FILIP1L: variants seen among roughly 807,000 people sequenced by gnomAD.
FILIP1L encodes filamin A-interacting protein 1-like.
In FILIP1L, 55 loss-of-function variants were observed where a neutral mutation model predicts 96.6. The observed-to-expected ratio is 0.57, with a 90% CI of 0.46 to 0.71. The LOEUF (loss-of-function observed/expected upper bound fraction) is 0.71. FILIP1L is among the 30% of genes least tolerant of loss of function. The pLI, the probability that FILIP1L is intolerant of heterozygous loss-of-function variation, is 0.00. For synonymous variants in FILIP1L, 467 were observed against 473.9 expected, an observed-to-expected ratio of 0.99 and a Z score of 0.19; for missense variants, 1,304 against 1,321.2, an observed-to-expected ratio of 0.99 and a Z score of 0.20.
rs5851193 is a variant in FILIP1L, at chr3:100,037,965, A to C, written c.-11+76088T>G. Among the ~76,000 whole-genome samples, 432 of 100,488 alleles carry C rather than the reference A, an allele frequency of 4.3e-3. 4 individuals carry two copies. Among genetic ancestry groups the C allele is most frequent in the African/African-American group, 0.016 (411 of 25,366 alleles). The allele number at this position is 100,488 out of a possible 152,430, so 65.9% of individuals were successfully genotyped here. ...TTTTTTTTTTTTTTTTTGGGGGGGGAGGGAACAGAGTCTCAAATCTCGCTC... is the reference window on the plus strand; with the variant it reads ...TTTTTTTTTTTTTTTTTGGGGGGGGCGGGAACAGAGTCTCAAATCTCGCTC... On this transcript the variant is annotated intron_variant, in intron 1 of 5. Coordinates refer to ENST00000477258, the MANE Select transcript of FILIP1L (RefSeq NM_001387850.1).
At chr3:100,063,366 A>C (rs2065606896) in intron 1 of FILIP1L, among the ~76,000 whole-genome samples, 3 of 152,190 alleles carry the variant, frequency 2.0e-5, no homozygotes. Flanking sequence ...GGTCTGAATG[A>C]CTTATTACTA....
intron 1 of FILIP1L, among the ~76,000 whole-genome samples, chr3:100,025,944 C>G (rs1260464139): frequency 2.0e-5 from 3 of 152,144 alleles, no homozygotes; most frequent in Admixed American, 1.3e-4. Context: ...TTGGAAAGCA[C>G]AGGTGTAGTG....
intron 1 of FILIP1L, among the ~76,000 whole-genome samples, chr3:99,998,912 C>T (rs1709763605): frequency 6.6e-6 from 1 of 152,194 alleles, no homozygotes; most frequent in South Asian, 2.1e-4. Flanking sequence ...CAACTAGAAA[C>T]TTTCAGTAGT....
At position 100,034,316 on chromosome 3, in the gene FILIP1L, A is replaced by G. The variant is rs184241122; in HGVS notation, c.-11+79737T>C. On this transcript the variant is annotated intron_variant, in intron 1 of 5. Transcript: ENST00000477258. ...CACTTATTGTCTGGAGAAAATGTAC[A>G]CTCATGGCAGCAGTAAGAAGTTATT... is the stretch of plus-strand genomic sequence containing the variant. Among the ~76,000 whole-genome samples, 471 of 152,256 alleles carry G rather than the reference A, an allele frequency of 3.1e-3. 4 individuals carry two copies. Among genetic ancestry groups the G allele is most frequent in the African/African-American group, 0.011 (445 of 41,528 alleles).
intron 1 of FILIP1L, among the ~76,000 whole-genome samples, chr3:100,069,882 A>C (rs905120407): frequency 6.6e-6 from 1 of 152,120 alleles, no homozygotes; most frequent in African/African-American, 2.4e-5. Context: ...GAGGACTCAC[A>C]CTATCCAGTT....
intron 5 of FILIP1L, among the ~76,000 whole-genome samples, chr3:99,837,083 C>T (rs1423621555): frequency 2.6e-5 from 4 of 152,194 alleles, no homozygotes; most frequent in African/African-American, 9.7e-5. Flanking sequence ...AATCAGCAGC[C>T]TCAGAAGCAT....
intron 1 of FILIP1L, among the ~76,000 whole-genome samples, chr3:99,978,997 A>G (rs1709046978): frequency 6.6e-6 from 1 of 152,194 alleles, no homozygotes; most frequent in Non-Finnish European, 1.5e-5. Flanking sequence ...ACGGCTAGAT[A>G]AAAGGAATAA....
chr3:99,859,671 C>T (rs974834585), intron 4 of FILIP1L, among the ~76,000 whole-genome samples: 5 of 152,092 alleles, frequency 3.3e-5, no homozygotes, highest in Non-Finnish European at 4.4e-5. Flanking sequence ...AACTGTGTTG[C>T]GTTGATAGTA....
At chr3:99,914,625 G>A (rs1254890509) in intron 4 of FILIP1L, among the ~76,000 whole-genome samples, 4 of 152,120 alleles carry the variant, frequency 2.6e-5, no homozygotes, top group Non-Finnish European at 5.9e-5. Flanking sequence ...GTTAGTAATG[G>A]TATAAATATC....
intron 1 of FILIP1L, among the ~76,000 whole-genome samples, chr3:100,059,464 C>A (rs2065522370): frequency 6.6e-6 from 1 of 152,130 alleles, no homozygotes; most frequent in Admixed American, 6.5e-5. Flanking sequence ...ATTCAGGAAG[C>A]ATTTTTTTTT....
intron 1 of FILIP1L, among the ~76,000 whole-genome samples, chr3:100,004,576 C>A (rs1192480439): frequency 6.6e-6 from 1 of 152,028 alleles, no homozygotes; most frequent in African/African-American, 2.4e-5. Flanking sequence ...AAGGTCAAAA[C>A]CAAGATACAA....
intron 1 of FILIP1L, among the ~76,000 whole-genome samples, chr3:99,947,137 CAAAAAA>C (rs397829321): frequency 2.3e-4 from 20 of 88,806 alleles, no homozygotes; most frequent in Middle Eastern, 6.3e-3. Context: ...GACTCTGTCT[CAAAAAA>C]AAAAAAAAAA....
intron 3 of FILIP1L, among the ~76,000 whole-genome samples, chr3:99,926,875 C>T (rs1297623237): frequency 6.6e-6 from 1 of 152,140 alleles, no homozygotes; most frequent in Non-Finnish European, 1.5e-5. Context: ...GAATCCGTGC[C>T]CTTCATTTAT....
At chr3:99,934,446 A>G (rs1358679267) in intron 1 of FILIP1L, among the ~76,000 whole-genome samples, 4 of 152,140 alleles carry the variant, frequency 2.6e-5, no homozygotes, top group African/African-American at 4.8e-5. Flanking sequence ...TTCATTTTAC[A>G]TGATGAATTC....
intron 1 of FILIP1L, among the ~76,000 whole-genome samples, chr3:100,085,868 A>C (rs550528650): frequency 6.6e-6 from 1 of 152,338 alleles, no homozygotes; most frequent in East Asian, 1.9e-4. Flanking sequence ...TTACATTTTC[A>C]TGAAGAGTAA....
chr3:99,962,710 A>G (rs1045953522), intron 1 of FILIP1L, among the ~76,000 whole-genome samples: 1 of 152,224 alleles, frequency 6.6e-6, no homozygotes, highest in African/African-American at 2.4e-5. Context: ...CATTAACTCT[A>G]TGAGGTAGGT....
chr3:99,856,423 G>A (rs1159761366), intron 4 of FILIP1L, among the ~76,000 whole-genome samples: 2 of 152,164 alleles, frequency 1.3e-5, no homozygotes, highest in Non-Finnish European at 2.9e-5. Flanking sequence ...TTGTCTTGGA[G>A]TACTCATATT....
chr3:100,093,209 A>G (rs1388582541), intron 1 of FILIP1L, among the ~76,000 whole-genome samples: 1 of 152,182 alleles, frequency 6.6e-6, no homozygotes, highest in Non-Finnish European at 1.5e-5. Flanking sequence ...ATTACCAGAT[A>G]TACTGAGTTG....
chr3:100,099,707 C>T (rs1032204116), intron 1 of FILIP1L, among the ~76,000 whole-genome samples: 3 of 152,048 alleles, frequency 2.0e-5, no homozygotes, highest in Admixed American at 6.6e-5. Context: ...AAATACCCAC[C>T]GTGTGCCAGA....
Sources: allele counts gnomAD v4.1 joint callset (sites outside exome capture counted in the v4.1 genomes callset), GRCh38; gene constraint gnomAD v4.1.1; transcripts MANE v1.5; gene names NCBI Gene and HGNC (gene_info 2026-07-23, HGNC 2026-07-21).